Variants in ARHGEF9 observed in about 807,000 individuals in gnomAD.
The protein encoded by ARHGEF9 is rho guanine nucleotide exchange factor 9.
A neutral mutation model predicts 41.3 loss-of-function variants in ARHGEF9; 2 were observed. The ratio of observed to expected loss-of-function variants is 0.05; its 90% CI spans 0.02 to 0.15. The LOEUF is 0.15. Ranked by LOEUF, ARHGEF9 falls within the 10% of genes least tolerant of loss-of-function variation. The pLI, the probability that ARHGEF9 is intolerant of heterozygous loss-of-function variation, is 1.00. For missense variants in ARHGEF9, 225 were observed against 424.7 expected (o/e 0.53, Z 4.13); for synonymous variants, 160 against 154.4 (o/e 1.04, Z -0.27).
chrX:63,652,821 G>C (rs1158031770), intron 8 of ARHGEF9, among the ~76,000 whole-genome samples: 1 of 110,818 alleles, frequency 9.0e-6, no homozygotes, highest in Admixed American at 9.6e-5. Context: ...GGAGGTGATT[G>C]GATCATGGGG....
At chrX:63,733,612 T>C (rs2054445235) in intron 1 of ARHGEF9, among the ~76,000 whole-genome samples, 2 of 112,676 alleles carry the variant, frequency 1.8e-5, no homozygotes, top group African/African-American at 6.4e-5. Context: ...TGGAAGTATG[T>C]ACATATATTT....
At chrX:63,648,155 C>A (rs1177649229) in intron 8 of ARHGEF9, among the ~76,000 whole-genome samples, 1 of 110,934 alleles carries the variant, frequency 9.0e-6, no homozygotes, top group African/African-American at 3.3e-5. Flanking sequence ...TTGTCAGATT[C>A]ACCAAAGTTG....
At chrX:63,760,579 A>C (rs189255636) in intron 1 of ARHGEF9, among the ~76,000 whole-genome samples, 140 of 111,699 alleles carry the variant, frequency 1.3e-3, no homozygotes, top group African/African-American at 4.3e-3. Flanking sequence ...AAGCACAATC[A>C]GGTGATGAAT....
At chrX:63,755,424 A>T in intron 1 of ARHGEF9, 1 of 296,166 alleles carries the variant, frequency 3.4e-6, no homozygotes, top group Non-Finnish European at 5.8e-6. Flanking sequence ...TGGGGAGGAA[A>T]AGGACTGGGA....
chrX:63,657,357 C>A (rs1315641024), intron 7 of ARHGEF9: 1 of 111,944 alleles, frequency 8.9e-6, no homozygotes, highest in Non-Finnish European at 1.9e-5. Flanking sequence ...GTGCGGTATA[C>A]TGAGATTTTC....
chrX:63,690,474 C>A (rs1556380248), intron 4 of ARHGEF9, among the ~76,000 whole-genome samples: 1 of 111,301 alleles, frequency 9.0e-6, no homozygotes, highest in Admixed American at 9.5e-5. Context: ...TAACAAGTAA[C>A]AAGATCAAAA....
rs189661969 is a variant in ARHGEF9, at chrX:63,635,344, T to C, written c.*2684A>G. 6.0e-5 allele frequency: 31 copies of C among 520,387 alleles called. No homozygotes were observed. The Admixed American group carries it at 7.1e-4, about 12-fold the overall frequency. The allele number at this position is 520,387 out of a possible 1,213,427, so 42.9% of individuals were successfully genotyped here. ...TTAGGACTCCCCACAGCAGGTCCCA[T>C]TGAACACACTAGCAAAGCCTTTTGG... On this transcript the variant is annotated 3_prime_UTR_variant, in exon 10 of 10. Transcript: ENST00000671741.
At chrX:63,769,274 T>C (rs1281570458) in intron 1 of ARHGEF9, among the ~76,000 whole-genome samples, 1 of 110,110 alleles carries the variant, frequency 9.1e-6, no homozygotes, top group Non-Finnish European at 1.9e-5. Context: ...GCCCTAGAAA[T>C]TTGTGAAACT....
chrX:63,682,512 C>CA (rs1240825223), intron 4 of ARHGEF9, among the ~76,000 whole-genome samples: 918 of 87,819 alleles, frequency 0.01, 8 homozygotes, highest in African/African-American at 0.028. Flanking sequence ...GAGACTCTGT[C>CA]AAAAAAAAAA....
intron 8 of ARHGEF9, among the ~76,000 whole-genome samples, chrX:63,650,209 C>T (rs1602227134): frequency 9.0e-6 from 1 of 110,946 alleles, no homozygotes; most frequent in African/African-American, 3.3e-5. Flanking sequence ...ATCAATATAC[C>T]GAGGAAATAT....
rs143360850 is a variant in ARHGEF9 at position 63,653,351 on chromosome X, G to A, written c.1321+2143C>T. Among the ~76,000 whole-genome samples the A allele has an allele frequency of 6.3e-3, 701 of 111,454 alleles. 28 individuals carry two copies. The highest frequency in any genetic ancestry group is 0.063 in the Admixed American group (651 of 10,413). Reference sequence around the variant, plus strand: ...TATGTCCATGGGTTTGAGCCTGCCTGTGATCCTCCATTTCTGACTGCCTGC... The same window carrying A: ...TATGTCCATGGGTTTGAGCCTGCCTATGATCCTCCATTTCTGACTGCCTGC... On this transcript the variant is annotated intron_variant, in intron 8 of 9. Transcript: ENST00000671741.
At chrX:63,709,519 C>T (rs1556405331) in intron 2 of ARHGEF9, among the ~76,000 whole-genome samples, 1 of 111,401 alleles carries the variant, frequency 9.0e-6, no homozygotes, top group Non-Finnish European at 1.9e-5. Context: ...TGAACAAGTC[C>T]CTGGGTGATC....
At chrX:63,701,219 A>T (rs1182782724) in intron 3 of ARHGEF9, among the ~76,000 whole-genome samples, 1 of 111,205 alleles carries the variant, frequency 9.0e-6, no homozygotes, top group Non-Finnish European at 1.9e-5. Context: ...CCCCTGGATC[A>T]TCTGGGGTTT....
At chrX:63,756,666 G>A in intron 1 of ARHGEF9, among the ~76,000 whole-genome samples, 1 of 112,293 alleles carries the variant, frequency 8.9e-6, no homozygotes, top group Non-Finnish European at 1.9e-5. Flanking sequence ...AAATATAAAT[G>A]TACTGGCCTG....
At chrX:63,678,623 G>T (rs2050419222) in intron 4 of ARHGEF9, 51 bp from the exon 5 acceptor site, 2 of 876,889 alleles carry the variant, frequency 2.3e-6, no homozygotes, top group Non-Finnish European at 1.6e-6. Context: ...GACCCCAAAA[G>T]AAGTCTTGAA....
rs55980103 is a variant in ARHGEF9, at chrX:63,644,238, C to T, written c.1322-190G>A. On this transcript the variant is annotated intron_variant, in intron 8 of 9. Coordinates refer to ENST00000671741, the MANE Select transcript of ARHGEF9 (RefSeq NM_001353921.2). Reference sequence around the variant, plus strand: ...TTTCACTAAGGAAATTTGTCACAAACTTGAACAAAAACTTAGCTACAAAAT... The same window carrying T: ...TTTCACTAAGGAAATTTGTCACAAATTTGAACAAAAACTTAGCTACAAAAT... The T allele has an allele frequency of 8.6e-3, 3,130 of 363,227 alleles. 70 individuals are homozygous for T. Among genetic ancestry groups the T allele is most frequent in the African/African-American group, 0.071 (2,720 of 38,251 alleles). 29.9% of individuals were successfully genotyped at this position (363,227 alleles called of 1,213,427 possible).
In ARHGEF9 at chrX:63,677,255, C is replaced by T. The variant is rs1453008669; in HGVS notation, c.815+1085G>A. 3.6e-5 allele frequency among the ~76,000 whole-genome samples: 4 copies of T among 111,990 alleles called. No homozygotes were observed. The Admixed American group carries it at 3.8e-4, about 11-fold the overall frequency. On this transcript the variant is annotated intron_variant, in intron 5 of 9. Coordinates refer to ENST00000671741, the MANE Select transcript of ARHGEF9 (RefSeq NM_001353921.2). ...TACTTCCAGACATGTCAGCTAGCCTCCCTCTTACATGCAGTCTTCATTCTC... is the reference window on the plus strand; with the variant it reads ...TACTTCCAGACATGTCAGCTAGCCTTCCTCTTACATGCAGTCTTCATTCTC...
chrX:63,685,743 T>C (rs1216724960), intron 4 of ARHGEF9, among the ~76,000 whole-genome samples: 4 of 111,922 alleles, frequency 3.6e-5, no homozygotes, highest in Non-Finnish European at 3.8e-5. Flanking sequence ...CAAATATCCA[T>C]ACAGAAACCA....
chrX:63,678,223 C>T, intron 5 of ARHGEF9, 117 bp downstream of exon 5: 4 of 621,995 alleles, frequency 6.4e-6, no homozygotes, highest in Non-Finnish European at 1.1e-5. Flanking sequence ...ATGTATCATC[C>T]TGTTTTGCAG....
Sources: gnomAD v4.1 joint callset for allele counts (sites outside exome capture counted in the v4.1 genomes callset) on GRCh38, gnomAD v4.1.1 for gene constraint, MANE v1.5 for transcripts, NCBI Gene and HGNC (gene_info 2026-07-23, HGNC 2026-07-21) for gene names.